LRP1B: variants seen among roughly 807,000 people sequenced by gnomAD.
The protein encoded by LRP1B is LDL receptor related protein 1B.
In LRP1B, 217 loss-of-function variants were observed where a neutral mutation model predicts 556.6. The observed-to-expected ratio is 0.39, with a 90% CI of 0.35 to 0.44. The LOEUF (loss-of-function observed/expected upper bound fraction) is 0.44. Among genes scored for constraint, LRP1B ranks in the 20% least tolerant of loss-of-function variants. LRP1B has a pLI of 1.00. For missense variants in LRP1B, 5,053 were observed against 5,620.8 expected, an observed-to-expected ratio of 0.90 and a Z score of 3.23; for synonymous variants, 2,047 against 1,865.8, an observed-to-expected ratio of 1.10 and a Z score of -2.50.
intron 6 of LRP1B, among the ~76,000 whole-genome samples, chr2:141,215,119 C>A (rs1461024760): frequency 2.6e-5 from 4 of 152,056 alleles, no homozygotes; most frequent in African/African-American, 7.2e-5. Context: ...GTGCTGTCCT[C>A]ACAATAGTGA....
At chr2:140,612,534 A>T (rs535517609) in intron 41 of LRP1B, among the ~76,000 whole-genome samples, 3 of 152,230 alleles carry the variant, frequency 2.0e-5, no homozygotes, top group African/African-American at 7.2e-5. Flanking sequence ...TTACTCAACA[A>T]GTCACACGTC....
intron 89 of LRP1B, among the ~76,000 whole-genome samples, chr2:140,236,475 A>T (rs919006640): frequency 1.3e-5 from 2 of 151,108 alleles, no homozygotes; most frequent in Non-Finnish European, 3.0e-5. Flanking sequence ...TAAAATTATC[A>T]GAAAGAATAT....
At chr2:141,750,935 C>A (rs1486172647) in intron 2 of LRP1B, among the ~76,000 whole-genome samples, 2 of 151,842 alleles carry the variant, frequency 1.3e-5, no homozygotes, top group Admixed American at 6.6e-5. Context: ...CATGATAAAA[C>A]CTTTACAGTA....
chr2:141,928,669 C>G (rs996188716), intron 1 of LRP1B, among the ~76,000 whole-genome samples: 1 of 152,070 alleles, frequency 6.6e-6, no homozygotes, highest in Non-Finnish European at 1.5e-5. Flanking sequence ...TGTCTCAGAA[C>G]TTGGCATGTT....
intron 5 of LRP1B, among the ~76,000 whole-genome samples, chr2:141,234,986 TAAC>T (rs1683598990): frequency 1.3e-5 from 2 of 152,118 alleles, no homozygotes; most frequent in African/African-American, 4.8e-5. Context: ...TTTCATTCCT[TAAC>T]TATTTTTTAA....
At chr2:140,353,094 T>C (rs757018467) in intron 75 of LRP1B, 22 bp from the exon 76 acceptor site, 2 of 1,611,688 alleles carry the variant, frequency 1.2e-6, no homozygotes, top group South Asian at 2.2e-5. Context: ...GAGCTCAAAA[T>C]AGCATCATCA....
rs78820707 is a variant in LRP1B, at chr2:141,212,928, G to A, written c.850+16255C>T. Among the ~76,000 whole-genome samples the A allele has an allele frequency of 7.3e-3, 1,105 of 152,166 alleles. 8 individuals carry two copies. The highest frequency in any genetic ancestry group is 0.025 in the African/African-American group (1,038 of 41,498). On this transcript the variant is annotated intron_variant, in intron 6 of 90. Transcript: ENST00000389484. ...GTTGCTATGGCATATTTCTGGTCAC[G>A]AAAACATCACCAAACTTCTAAATAC...
intron 2 of LRP1B, among the ~76,000 whole-genome samples, chr2:141,672,526 T>C (rs868478244): frequency 6.6e-6 from 1 of 152,210 alleles, no homozygotes; most frequent in Non-Finnish European, 1.5e-5. Flanking sequence ...ACTGAACTTA[T>C]AATGTTTGGG....
intron 81 of LRP1B, among the ~76,000 whole-genome samples, chr2:140,323,338 T>C (rs1336113448): frequency 6.6e-6 from 1 of 151,956 alleles, no homozygotes; most frequent in Non-Finnish European, 1.5e-5. Flanking sequence ...TCATATACAA[T>C]AAATCAGAGA....
chr2:141,033,540 C>CAAA (rs70991133), intron 11 of LRP1B, among the ~76,000 whole-genome samples: 2 of 149,040 alleles, frequency 1.3e-5, no homozygotes, highest in Admixed American at 1.3e-4. Flanking sequence ...TCCTGTCCCT[C>CAAA]AAAAAAAAAA....
chr2:141,566,442 T>C (rs1324812645), intron 2 of LRP1B, among the ~76,000 whole-genome samples: 1 of 151,874 alleles, frequency 6.6e-6, no homozygotes, highest in African/African-American at 2.4e-5. Flanking sequence ...TTAATAAGAA[T>C]TGTATAATTT....
rs570582095 is a variant in LRP1B at position 141,939,605 on chromosome 2, T to C, written c.83-129204A>G. Among the ~76,000 whole-genome samples, 150 of 152,240 alleles carry C rather than the reference T, an allele frequency of 9.9e-4. 1 individual carries two copies. The highest frequency in any genetic ancestry group is 3.6e-3 in the African/African-American group (148 of 41,582). The stretch of plus-strand genomic sequence containing the variant: ...TTATACTAAAACCAAAGTTAATAAA[T>C]ACTTAAAACCTAACTTTCTACTTAT... On this transcript the variant is annotated intron_variant, in intron 1 of 90. Coordinates refer to ENST00000389484, the MANE Select transcript of LRP1B (RefSeq NM_018557.3).
At chr2:140,849,410 C>A (rs1366992672) in intron 29 of LRP1B, among the ~76,000 whole-genome samples, 52 of 7,514 alleles carry the variant, frequency 6.9e-3, no homozygotes, top group East Asian at 0.026. Flanking sequence ...AAACAAAATC[C>A]AAAAAAAAAA....
At chr2:140,567,939 C>A (rs556220298) in intron 43 of LRP1B, among the ~76,000 whole-genome samples, 2 of 152,158 alleles carry the variant, frequency 1.3e-5, no homozygotes, top group Non-Finnish European at 2.9e-5. Context: ...TCATCACACC[C>A]TTCGTAACCA....
chr2:140,397,564 G>A (rs182105588), intron 66 of LRP1B, among the ~76,000 whole-genome samples: 27 of 152,168 alleles, frequency 1.8e-4, no homozygotes, highest in Non-Finnish European at 3.2e-4. Context: ...GCTCCATGGC[G>A]TGTTTCTGAC....
At chr2:141,460,646 G>A (rs1196822955) in intron 3 of LRP1B, among the ~76,000 whole-genome samples, 1 of 152,160 alleles carries the variant, frequency 6.6e-6, no homozygotes, top group Non-Finnish European at 1.5e-5. Flanking sequence ...TTTGGAATAA[G>A]AGAAATCAAT....
chr2:140,547,307 A>G (rs901368288), intron 43 of LRP1B, among the ~76,000 whole-genome samples: 12 of 151,940 alleles, frequency 7.9e-5, no homozygotes, highest in African/African-American at 2.7e-4. Context: ...TTGGTGGGCT[A>G]TTTATTACTT....
chr2:141,274,629 G>A (rs1466815904), intron 3 of LRP1B, among the ~76,000 whole-genome samples: 1 of 152,114 alleles, frequency 6.6e-6, no homozygotes, highest in Non-Finnish European at 1.5e-5. Flanking sequence ...ATTTATTGCA[G>A]TGATGGTTGC....
chr2:140,444,472 G>A (rs1249021480), intron 64 of LRP1B, 23 bp from the exon 65 acceptor site: 1 of 1,613,778 alleles, frequency 6.2e-7, no homozygotes, highest in Non-Finnish European at 8.5e-7. Context: ...AGGAGAGAGA[G>A]AGAGAAAATT....
Sources: allele counts gnomAD v4.1 joint callset (sites outside exome capture counted in the v4.1 genomes callset), GRCh38; gene constraint gnomAD v4.1.1; transcripts MANE v1.5; gene names NCBI Gene and HGNC (gene_info 2026-07-23, HGNC 2026-07-21).